COL24A1: variants seen among roughly 807,000 people sequenced by gnomAD.
The protein encoded by COL24A1 is collagen type XXIV alpha 1 chain.
COL24A1 carries 224 observed loss-of-function variants against 253.9 expected under a neutral mutation model. That is an observed-to-expected ratio of 0.88 (90% confidence interval 0.79 to 0.99). The LOEUF is 0.99. Among genes scored for constraint, COL24A1 ranks in the 50% least tolerant of loss-of-function variants. The probability of loss-of-function intolerance (pLI) is 0.00; values close to 1 mark genes in which losing one functional copy is unlikely to be tolerated. For synonymous variants in COL24A1, 685 were observed against 673.7 expected (o/e 1.02, Z -0.26); for missense variants, 2,131 against 2,068.5 (o/e 1.03, Z -0.59).
chr1:85,871,486 A>G (rs1571006224), intron 35 of COL24A1, among the ~76,000 whole-genome samples: 2 of 152,354 alleles, frequency 1.3e-5, no homozygotes, highest in African/African-American at 4.8e-5. Context: ...CACATCAAAA[A>G]GCTTATCCAC....
intron 10 of COL24A1, among the ~76,000 whole-genome samples, chr1:86,051,870 T>A (rs1700330011): frequency 6.6e-6 from 1 of 152,120 alleles, no homozygotes; most frequent in Non-Finnish European, 1.5e-5. Flanking sequence ...GGATGAGTTT[T>A]GTTAGTTATT....
At chr1:85,983,784 CAACAAAA>C (rs1693465677) in intron 20 of COL24A1, among the ~76,000 whole-genome samples, 1 of 151,754 alleles carries the variant, frequency 6.6e-6, no homozygotes, top group African/African-American at 2.4e-5. Flanking sequence ...GAAACAATTT[CAACAAAA>C]ATGAGAAGGA....
chr1:85,932,354 C>T (rs1687818244), intron 24 of COL24A1, among the ~76,000 whole-genome samples: 1 of 69,550 alleles, frequency 1.4e-5, no homozygotes. Flanking sequence ...CATCACTGGC[C>T]ATCAGAGAAA....
intron 42 of COL24A1, 21 bp downstream of exon 42, chr1:85,841,201 T>C: frequency 6.4e-7 from 1 of 1,566,054 alleles, no homozygotes; most frequent in South Asian, 1.2e-5. Flanking sequence ...ATAACCAGAA[T>C]TATTTCAGAA....
At chr1:86,102,456 A>C (rs1176232641) in intron 5 of COL24A1, among the ~76,000 whole-genome samples, 1 of 151,992 alleles carries the variant, frequency 6.6e-6, no homozygotes, top group African/African-American at 2.4e-5. Flanking sequence ...TTGGTTATCC[A>C]GTTCTTTTAG....
In COL24A1 at chr1:85,877,189, A is replaced by G. The variant is rs750623297; in HGVS notation, c.2977-14T>C. On this transcript the variant is annotated splice_polypyrimidine_tract_variant and intron_variant, in intron 32 of 59. Coordinates refer to ENST00000370571, the MANE Select transcript of COL24A1 (RefSeq NM_152890.7). ...TCCTCGCAGTCCCTATATTAAAATA[A>G]AATTTAAGATATGAGAATAAAAGTT... The G allele has an allele frequency of 1.3e-6, 2 of 1,576,308 alleles. No homozygotes were observed. Among genetic ancestry groups the G allele is most frequent in the Non-Finnish European group, 1.7e-6 (2 of 1,162,046 alleles).
At chr1:85,945,099 C>G (rs1689207491) in intron 24 of COL24A1, among the ~76,000 whole-genome samples, 2 of 137,416 alleles carry the variant, frequency 1.5e-5, no homozygotes, top group South Asian at 5.2e-4. Flanking sequence ...CTCACTGCAA[C>G]CTCTGCCTCC....
At chr1:85,867,212 C>T (rs573881516) in intron 37 of COL24A1, among the ~76,000 whole-genome samples, 1 of 152,122 alleles carries the variant, frequency 6.6e-6, no homozygotes, top group African/African-American at 2.4e-5. Context: ...GGTTAGAAAC[C>T]AGAGGAAAAG....
At chr1:86,094,625 A>T (rs1345045525) in intron 5 of COL24A1, among the ~76,000 whole-genome samples, 4 of 148,382 alleles carry the variant, frequency 2.7e-5, no homozygotes, top group Non-Finnish European at 6.0e-5. Context: ...TGAACTTCAA[A>T]TTTTTTTTTT....
intron 59 of COL24A1, among the ~76,000 whole-genome samples, chr1:85,733,411 T>C (rs1015636856): frequency 1.3e-5 from 2 of 152,166 alleles, no homozygotes; most frequent in Non-Finnish European, 2.9e-5. Context: ...TGTAGTGCCA[T>C]AACAGCCATA....
Position 86,124,953 on chromosome 1 carries a change from G to A in COL24A1, c.1383C>T (p.Ile461=), listed in dbSNP as rs375776403. 44 of 1,612,454 alleles carry A rather than the reference G, an allele frequency of 2.7e-5. No individual in the cohort carries two copies. The highest frequency in any genetic ancestry group is 3.3e-5 in the Non-Finnish European group (39 of 1,179,462). The change falls in exon 3 of 60, where the codon ATC becomes ATT. Residue 461 remains isoleucine (I), a synonymous_variant. Transcript: ENST00000370571. ...AAAGCTCAGTTTCATAGCTATTTTC[G>A]ATGGGATAAGTAGCATCAGGATAAA... is the stretch of plus-strand genomic sequence containing the variant. ...GEFYPDATYP[I]ENSYETELYD... is the part of the protein sequence containing the mutation.
chr1:86,117,371 A>G (rs75489532), intron 3 of COL24A1, among the ~76,000 whole-genome samples: 4,883 of 152,314 alleles, frequency 0.032, 260 homozygotes, highest in East Asian at 0.23. Flanking sequence ...GGTGCCATCT[A>G]TAAACCAGAA....
intron 5 of COL24A1, among the ~76,000 whole-genome samples, chr1:86,104,855 C>T (rs1005131655): frequency 3.9e-5 from 6 of 152,232 alleles, no homozygotes. Context: ...CTTGTTTGCA[C>T]ATGCCAGCAG....
chr1:85,735,169 C>T lies in COL24A1; in HGVS notation c.4783-205G>A, dbSNP rs189465491. On this transcript the variant is annotated intron_variant, in intron 58 of 59. Transcript: ENST00000370571. ...CATGATTTATAGTATTTCCTGACTC[C>T]TGTGGTAGAAGCACTCCCAAAGTGC... Among the ~76,000 whole-genome samples, 26 of 152,224 alleles carry T rather than the reference C, an allele frequency of 1.7e-4. No individual in the cohort carries two copies. The East Asian group carries it at 5.0e-3, about 29-fold the overall frequency.
intron 37 of COL24A1, among the ~76,000 whole-genome samples, chr1:85,862,874 G>A (rs892104365): frequency 4.6e-5 from 7 of 152,174 alleles, no homozygotes; most frequent in African/African-American, 1.7e-4. Context: ...TAGCTTGATG[G>A]GGATGGCATT....
At chr1:85,964,751 T>C (rs1031522052) in intron 23 of COL24A1, among the ~76,000 whole-genome samples, 4 of 152,100 alleles carry the variant, frequency 2.6e-5, no homozygotes, top group Non-Finnish European at 4.4e-5. Flanking sequence ...GCATGTATAA[T>C]GCAAATATTT....
At chr1:85,994,034 C>T (rs1263141573) in intron 19 of COL24A1, among the ~76,000 whole-genome samples, 1 of 151,856 alleles carries the variant, frequency 6.6e-6, no homozygotes, top group African/African-American at 2.4e-5. Context: ...ACACTTGGGC[C>T]ATTTAACTCC....
intron 47 of COL24A1, among the ~76,000 whole-genome samples, chr1:85,801,611 G>A (rs186719113): frequency 6.6e-6 from 1 of 152,214 alleles, no homozygotes. Flanking sequence ...CAGTCTCTGG[G>A]TTTCCCAGCA....
intron 43 of COL24A1, among the ~76,000 whole-genome samples, chr1:85,828,894 C>T (rs1260450845): frequency 6.7e-6 from 1 of 148,788 alleles, no homozygotes; most frequent in Non-Finnish European, 1.5e-5. Context: ...CAGTCTGTGT[C>T]TTTTAATTGG....
Sources: gnomAD v4.1 joint callset for allele counts (sites outside exome capture counted in the v4.1 genomes callset) on GRCh38, gnomAD v4.1.1 for gene constraint, MANE v1.5 for transcripts, NCBI Gene and HGNC (gene_info 2026-07-23, HGNC 2026-07-21) for gene names.